NAV2: variants seen among roughly 807,000 people sequenced by gnomAD.
NAV2 encodes helicase, APC down-regulated 1.
In NAV2, 54 loss-of-function variants were observed where a neutral mutation model predicts 223.2. The ratio of observed to expected loss-of-function variants is 0.24; its 90% CI spans 0.19 to 0.30. NAV2 has a LOEUF of 0.30. Ranked by LOEUF, NAV2 falls within the 10% of genes least tolerant of loss-of-function variation. NAV2 has a pLI of 1.00. For missense variants in NAV2, 2,806 were observed against 3,147.5 expected (o/e 0.89, Z 2.60); for synonymous variants, 1,279 against 1,239.3 (o/e 1.03, Z -0.67).
intron 1 of NAV2, among the ~76,000 whole-genome samples, chr11:19,627,077 A>T (rs1337594451): frequency 6.6e-6 from 1 of 152,148 alleles, no homozygotes; most frequent in Non-Finnish European, 1.5e-5. Flanking sequence ...AGGTGTGTAT[A>T]ATCAGTTGAA....
chr11:19,675,789 C>T (rs1026950850), intron 1 of NAV2, among the ~76,000 whole-genome samples: 6 of 152,122 alleles, frequency 3.9e-5, no homozygotes, highest in African/African-American at 1.2e-4. Context: ...CAAGTCCCCT[C>T]GAAACTAATT....
intron 1 of NAV2, among the ~76,000 whole-genome samples, chr11:19,353,326 G>C (rs1853433523): frequency 6.6e-6 from 1 of 152,224 alleles, no homozygotes. Flanking sequence ...TCATGCACCT[G>C]GTTGTAGCTT....
chr11:19,782,932 A>G (rs939770356), intron 1 of NAV2, among the ~76,000 whole-genome samples: 1 of 152,194 alleles, frequency 6.6e-6, no homozygotes, highest in Non-Finnish European at 1.5e-5. Flanking sequence ...ACCAGAAATA[A>G]TATGTCTGGT....
chr11:20,085,656 TCCA>T, intron 26 of NAV2, among the ~76,000 whole-genome samples: 1 of 152,294 alleles, frequency 6.6e-6, no homozygotes, highest in African/African-American at 2.4e-5. Context: ...TCTTGCTCAC[TCCA>T]AACCCAGTGC....
At chr11:19,645,820 C>A (rs186248469) in intron 1 of NAV2, among the ~76,000 whole-genome samples, 22 of 152,148 alleles carry the variant, frequency 1.4e-4, no homozygotes, top group African/African-American at 4.8e-4. Context: ...ATCACCACAA[C>A]GCTGGTTGGA....
At chr11:19,513,760 G>A (rs986022) in intron 1 of NAV2, among the ~76,000 whole-genome samples, 2,695 of 152,330 alleles carry the variant, frequency 0.018, 77 homozygotes, top group African/African-American at 0.061. Flanking sequence ...GGTTATTGGA[G>A]TGGCGTGAGC....
At chr11:19,908,550 A>G (rs1032213300) in intron 6 of NAV2, among the ~76,000 whole-genome samples, 3 of 152,242 alleles carry the variant, frequency 2.0e-5, no homozygotes, top group Non-Finnish European at 2.9e-5. Flanking sequence ...GCTGTCTAAT[A>G]TGGTAGCCAC....
Position 19,933,684 on chromosome 11 carries a change from T to C in NAV2, c.1440T>C (p.Ser480=). 1 of 1,612,808 alleles carries C rather than the reference T, an allele frequency of 6.2e-7. No individual in the cohort carries two copies. The highest frequency in any genetic ancestry group is 8.5e-7 in the Non-Finnish European group (1 of 1,179,672). ...GCCGGGCACTGACCAACAAGAAGAG[T>C]TCTCTGAAAGGCAATGAGAAAGAGA... The part of the protein sequence containing the change: ...TFSRALTNKK[S]SLKGNEKEKE... Residue 480 remains serine, a synonymous_variant, in exon 7 of 38, where the codon AGT becomes AGC. Coordinates refer to ENST00000349880, the MANE Select transcript of NAV2 (RefSeq NM_145117.5). This position sits in a 1 kb window ranked among gnomAD's most constrained non-coding sequence, Gnocchi z 4.3.
intron 1 of NAV2, among the ~76,000 whole-genome samples, chr11:19,720,927 T>A (rs1046742310): frequency 5.3e-5 from 8 of 152,252 alleles, no homozygotes; most frequent in African/African-American, 1.9e-4. Flanking sequence ...AGATAGTACC[T>A]GCTGTACCTT....
intron 1 of NAV2, among the ~76,000 whole-genome samples, chr11:19,453,552 C>A (rs1052117742): frequency 2.6e-5 from 4 of 152,172 alleles, no homozygotes. Flanking sequence ...CCTTCTGGAG[C>A]CCCCATGGGC....
chr11:19,616,799 A>G (rs1447812505), intron 1 of NAV2, among the ~76,000 whole-genome samples: 1 of 151,980 alleles, frequency 6.6e-6, no homozygotes, highest in Admixed American at 6.6e-5. Context: ...GGTTCTTTTC[A>G]GTCCTCAGAA....
intron 1 of NAV2, among the ~76,000 whole-genome samples, chr11:19,438,133 A>G (rs1201093136): frequency 6.6e-6 from 1 of 152,116 alleles, no homozygotes; most frequent in East Asian, 1.9e-4. Context: ...CCCTTGTTCT[A>G]TAGTCATTTC....
intron 26 of NAV2, among the ~76,000 whole-genome samples, chr11:20,088,095 G>A (rs1488679437): frequency 6.6e-6 from 1 of 152,190 alleles, no homozygotes; most frequent in African/African-American, 2.4e-5. Context: ...AGTCTAGTCA[G>A]GGAAGGAACT....
chr11:19,619,255 A>G (rs2046909570), intron 1 of NAV2, among the ~76,000 whole-genome samples: 1 of 20,578 alleles, frequency 4.9e-5, no homozygotes, highest in Admixed American at 7.8e-4. Context: ...ATGATTTATA[A>G]TCCTTTGGGT....
chr11:19,475,525 A>G (rs937438328), intron 1 of NAV2, among the ~76,000 whole-genome samples: 1 of 152,232 alleles, frequency 6.6e-6, no homozygotes, highest in African/African-American at 2.4e-5. Context: ...ACAGGCTGGT[A>G]TCACATTAGC....
intron 1 of NAV2, among the ~76,000 whole-genome samples, chr11:19,707,524 A>C (rs1339770170): frequency 1.3e-5 from 2 of 152,202 alleles, no homozygotes; most frequent in Non-Finnish European, 1.5e-5. Flanking sequence ...GAAGGTCTTC[A>C]GGGGCAAAAA....
At chr11:19,535,259 G>A (rs1020645363) in intron 1 of NAV2, among the ~76,000 whole-genome samples, 2 of 152,150 alleles carry the variant, frequency 1.3e-5, no homozygotes, top group Admixed American at 6.5e-5. Context: ...CCTGGGACTT[G>A]GAGCAGCTAC....
chr11:19,447,896 T>G lies in NAV2; in HGVS notation c.75+96869T>G, dbSNP rs149287859. On this transcript the variant is annotated intron_variant, in intron 1 of 37. Transcript: ENST00000360655. ...TGAGGCACAGGGACCCCCGCCTCCA[T>G]GCTCACCCCCAGCTCCCAATGAGCA... Among the ~76,000 whole-genome samples the G allele has an allele frequency of 2.9e-4, 44 of 152,274 alleles. No homozygotes were observed. In the South Asian group the frequency reaches 6.8e-3, roughly 24 times the overall value.
At chr11:20,100,118 G>T (rs567712656) in intron 31 of NAV2, among the ~76,000 whole-genome samples, 1 of 152,268 alleles carries the variant, frequency 6.6e-6, no homozygotes, top group East Asian at 1.9e-4. Context: ...AATTTTGCTG[G>T]TTTCTTGAGA....
Sources: allele counts gnomAD v4.1 joint callset (sites outside exome capture counted in the v4.1 genomes callset), GRCh38; gene constraint gnomAD v4.1.1; non-coding constraint Gnocchi (gnomAD v3.1); transcripts MANE v1.5; gene names NCBI Gene and HGNC (gene_info 2026-07-23, HGNC 2026-07-21).